Variants in STIM2 observed in about 807,000 individuals in gnomAD.
The protein encoded by STIM2 is stromal interaction molecule 2.
STIM2 carries 31 observed loss-of-function variants against 85.8 expected under a neutral mutation model. The ratio of observed to expected loss-of-function variants is 0.36; its 90% CI spans 0.27 to 0.49. The LOEUF is 0.49. Ranked by LOEUF, STIM2 falls within the 20% of genes least tolerant of loss-of-function variation. The probability of loss-of-function intolerance (pLI) is 0.98; values close to 1 mark genes in which losing one functional copy is unlikely to be tolerated. For missense variants in STIM2, 841 were observed against 927.6 expected (o/e 0.91, Z 1.21); for synonymous variants, 356 against 331.1 (o/e 1.08, Z -0.82).
intron 3 of STIM2, among the ~76,000 whole-genome samples, chr4:26,958,804 GCAACAAAC>G (rs1473854539): frequency 3.3e-5 from 5 of 152,080 alleles, no homozygotes; most frequent in African/African-American, 4.8e-5. Flanking sequence ...GGGGAACTCA[GCAACAAAC>G]TTATTTTATT....
intron 2 of STIM2, among the ~76,000 whole-genome samples, chr4:26,920,436 C>A (rs1344935754): frequency 6.6e-6 from 1 of 152,088 alleles, no homozygotes; most frequent in South Asian, 2.1e-4. Context: ...GTCTTAGTTT[C>A]TCCCTAAAAG....
intron 3 of STIM2, among the ~76,000 whole-genome samples, chr4:26,970,409 C>G (rs9685299): frequency 0.97 from 147,394 of 151,206 alleles, 71,879 homozygotes; most frequent in East Asian, 1. Context: ...CCTACCCCCT[C>G]ACAGGCCCCT....
In STIM2 at chr4:26,928,613, A is replaced by G. The variant is rs555868712; in HGVS notation, c.282+8979A>G. On this transcript the variant is annotated intron_variant, in intron 2 of 11. Coordinates refer to ENST00000467087, the MANE Select transcript of STIM2 (RefSeq NM_020860.4). ...GGTTTCAAAAGCCTGGTCTCTAGCA[A>G]TATTCCTGCCTCGGCCTCCCAAAGT... Among the ~76,000 whole-genome samples the G allele has an allele frequency of 9.9e-5, 15 of 152,278 alleles. No homozygotes were observed. The East Asian group carries it at 1.2e-3, about 12-fold the overall frequency.
chr4:26,866,518 A>G (rs1722414273), intron 1 of STIM2, among the ~76,000 whole-genome samples: 1 of 152,178 alleles, frequency 6.6e-6, no homozygotes, highest in African/African-American at 2.4e-5. Context: ...CTTCTTGTGG[A>G]GATAAGTGAA....
chr4:26,987,577 A>G (rs1727625606), intron 3 of STIM2, among the ~76,000 whole-genome samples: 1 of 152,176 alleles, frequency 6.6e-6, no homozygotes, highest in African/African-American at 2.4e-5. Context: ...CCTTTGTTCC[A>G]GAGCCATGCT....
At chr4:26,932,949 A>C (rs994072472) in intron 2 of STIM2, among the ~76,000 whole-genome samples, 9 of 152,230 alleles carry the variant, frequency 5.9e-5, no homozygotes, top group African/African-American at 2.2e-4. Context: ...AGAAGTAATA[A>C]AGAATCAATG....
chr4:26,861,568 C>A, intron 1 of STIM2, 199 bp downstream of exon 1: 2 of 782,170 alleles, frequency 2.6e-6, no homozygotes, highest in Admixed American at 4.5e-5. Flanking sequence ...CCCGCCCTCG[C>A]CGAGCCTCTC....
intron 2 of STIM2, among the ~76,000 whole-genome samples, chr4:26,951,536 A>G (rs922617651): frequency 6.6e-6 from 1 of 152,020 alleles, no homozygotes; most frequent in Non-Finnish European, 1.5e-5. Context: ...CCTTGTGTTC[A>G]GTATCTTGAA....
intron 1 of STIM2, among the ~76,000 whole-genome samples, chr4:26,905,056 A>G (rs1162360990): frequency 6.6e-6 from 1 of 152,142 alleles, no homozygotes; most frequent in Non-Finnish European, 1.5e-5. Context: ...ATTTTCTTTC[A>G]GTGAAGTATA....
At chr4:26,918,064 A>T (rs1238768167) in intron 1 of STIM2, among the ~76,000 whole-genome samples, 1 of 152,118 alleles carries the variant, frequency 6.6e-6, no homozygotes, top group Non-Finnish European at 1.5e-5. Context: ...CACAGAACTT[A>T]TAATTGCATT....
chr4:26,930,442 TC>T (rs1168486463), intron 2 of STIM2, among the ~76,000 whole-genome samples: 1 of 149,470 alleles, frequency 6.7e-6, no homozygotes, highest in Non-Finnish European at 1.5e-5. Flanking sequence ...TTATTCTTTT[TC>T]ATTTTACCAC....
chr4:27,023,371 T>C lies in STIM2; in HGVS notation c.*375T>C, dbSNP rs1316865296. The C allele has an allele frequency of 4.9e-6, 1 of 204,484 alleles. No homozygotes were observed. Among genetic ancestry groups the C allele is most frequent in the Non-Finnish European group, 1.0e-5 (1 of 99,076 alleles). The allele number at this position is 204,484 out of a possible 1,614,324, so 12.7% of individuals were successfully genotyped here. ...CATGGGCTTGCAAAAATTTCTTGTT[T>C]ACCAGAGCATCTTCTTATCTTTCCA... On this transcript the variant is annotated 3_prime_UTR_variant, in exon 12 of 12. Coordinates refer to ENST00000467087, the MANE Select transcript of STIM2 (RefSeq NM_020860.4).
At chr4:26,883,852 G>A (rs549799780) in intron 1 of STIM2, among the ~76,000 whole-genome samples, 1 of 152,200 alleles carries the variant, frequency 6.6e-6, no homozygotes, top group South Asian at 2.1e-4. Flanking sequence ...AATCTGCAAG[G>A]TTATGTATTT....
chr4:26,915,287 T>C (rs1724494542), intron 1 of STIM2, among the ~76,000 whole-genome samples: 1 of 152,098 alleles, frequency 6.6e-6, no homozygotes, highest in Non-Finnish European at 1.5e-5. Context: ...CAGGGTGGAG[T>C]GTAGTGGCAT....
At chr4:26,950,045 G>A (rs1725988178) in intron 2 of STIM2, among the ~76,000 whole-genome samples, 1 of 152,094 alleles carries the variant, frequency 6.6e-6, no homozygotes. Flanking sequence ...TGTAACACAC[G>A]GTATTCTCAG....
intron 1 of STIM2, among the ~76,000 whole-genome samples, chr4:26,897,034 T>C (rs1723735148): frequency 6.6e-6 from 1 of 152,254 alleles, no homozygotes; most frequent in Admixed American, 6.5e-5. Context: ...AATTGTTTGT[T>C]CCTTTTTATT....
chr4:26,954,598 G>A (rs1726175763), intron 2 of STIM2, among the ~76,000 whole-genome samples: 1 of 148,332 alleles, frequency 6.7e-6, no homozygotes, highest in East Asian at 1.9e-4. Context: ...TAAAATTTCT[G>A]TAGTTACCCT....
At chr4:26,931,520 G>A (rs1160542996) in intron 2 of STIM2, among the ~76,000 whole-genome samples, 1 of 152,182 alleles carries the variant, frequency 6.6e-6, no homozygotes, top group African/African-American at 2.4e-5. Flanking sequence ...AAAACCCATT[G>A]TGTTCATCTT....
chr4:26,958,037 A>G, intron 3 of STIM2, among the ~76,000 whole-genome samples: 1 of 152,108 alleles, frequency 6.6e-6, no homozygotes, highest in East Asian at 1.9e-4. Context: ...AGGTTTAGCA[A>G]ATAAACATAT....
Sources: allele counts gnomAD v4.1 joint callset (sites outside exome capture counted in the v4.1 genomes callset), GRCh38; gene constraint gnomAD v4.1.1; transcripts MANE v1.5; gene names NCBI Gene and HGNC (gene_info 2026-07-23, HGNC 2026-07-21).